Variants in KLHL30 observed in about 807,000 individuals in gnomAD.
KLHL30 encodes kelch like family member 30.
A neutral mutation model predicts 55.0 loss-of-function variants in KLHL30; 55 were observed. That is an observed-to-expected ratio of 1.00 (90% CI 0.80 to 1.25). The LOEUF is 1.25. Among genes scored for constraint, KLHL30 ranks in the 50% most tolerant of loss-of-function variants. The probability of loss-of-function intolerance (pLI) is 0.00; values close to 1 mark genes in which losing one functional copy is unlikely to be tolerated. For missense variants in KLHL30, 786 were observed against 811.6 expected (o/e 0.97, Z 0.38); for synonymous variants, 356 against 372.6 (o/e 0.96, Z 0.51).
At chr2:238,145,483 C>T (rs1422088039) in intron 4 of KLHL30, among the ~76,000 whole-genome samples, 194 bp from the exon 5 acceptor site, 1 of 152,186 alleles carries the variant, frequency 6.6e-6, no homozygotes, top group Non-Finnish European at 1.5e-5. Flanking sequence ...CCGATTTTGT[C>T]GTCCTTGTTT....
chr2:238,151,449 TG>T lies in KLHL30; in HGVS notation c.*388del. The T allele has an allele frequency of 3.5e-6, 1 of 283,242 alleles. No individual in the cohort carries two copies. The highest frequency in any genetic ancestry group is 6.8e-6 in the Non-Finnish European group (1 of 147,920). 17.5% of individuals were successfully genotyped at this position (283,242 alleles called of 1,614,324 possible). A position where few individuals can be genotyped will look rare whatever the true frequency, so the allele number is the denominator to read the frequency against. ...GGCTTTTGGAGCAGTTGCATGAATG[TG>T]GGGTGAACACGGAGCGTCCCAGAAA... is the stretch of plus-strand genomic sequence containing the variant. On this transcript the variant is annotated 3_prime_UTR_variant, in exon 8 of 8. Coordinates refer to ENST00000409223, the MANE Select transcript of KLHL30 (RefSeq NM_198582.4).
In KLHL30 at chr2:238,145,763, G is replaced by T; in HGVS notation, c.1081G>T (p.Ala361Ser). 1 of 1,605,744 alleles carries T rather than the reference G, an allele frequency of 6.2e-7. No individual in the cohort carries two copies. The highest frequency in any genetic ancestry group is 1.7e-5 in the Admixed American group (1 of 59,152). ...PLKEASWKPV[A>S]PMLKPRTNHA... ...GAAGGAGGCCTCCTGGAAGCCCGTGGCGCCCATGCTGAAGCCCCGCACCAA... is the reference window on the plus strand; with the variant it reads ...GAAGGAGGCCTCCTGGAAGCCCGTGTCGCCCATGCTGAAGCCCCGCACCAA... Residue 361 changes from alanine (A) to serine (S), a missense_variant, in exon 5 of 8, where the codon GCG (alanine) becomes TCG (serine). Transcript: ENST00000409223.
Position 238,144,016 on chromosome 2 carries a change from G to C in KLHL30, c.908-886G>C, listed in dbSNP as rs543914084. ...AACATCCAAAATATGTCCATTTATAGGACTTTACCATTTCCACATTTATTG... is the reference window on the plus strand; with the variant it reads ...AACATCCAAAATATGTCCATTTATACGACTTTACCATTTCCACATTTATTG... On this transcript the variant is annotated intron_variant, in intron 3 of 7. Transcript: ENST00000409223. Among the ~76,000 whole-genome samples the C allele has an allele frequency of 4.4e-4, 67 of 152,362 alleles. 1 individual carries two copies. The South Asian group carries it at 0.014, about 31-fold the overall frequency.
chr2:238,148,880 C>A (rs1692696419), intron 6 of KLHL30, 127 bp from the exon 7 acceptor site: 1 of 920,610 alleles, frequency 1.1e-6, no homozygotes, highest in Non-Finnish European at 1.7e-6. Flanking sequence ...GACCTACTCC[C>A]ATTTCACAGA....
intron 3 of KLHL30, among the ~76,000 whole-genome samples, chr2:238,144,677 C>CT (rs777318632): frequency 4.6e-5 from 7 of 152,298 alleles, no homozygotes; most frequent in Non-Finnish European, 1.0e-4. Flanking sequence ...TGTGTCCACT[C>CT]TGAGTTCCAG....
At position 238,147,724 on chromosome 2, in the gene KLHL30, A is replaced by T. The variant is rs147122752; in HGVS notation, c.1151-110A>T. On this transcript the variant is annotated intron_variant, in intron 5 of 7. Coordinates refer to ENST00000409223, the MANE Select transcript of KLHL30 (RefSeq NM_198582.4). The surrounding 1 kb of genome is among the most constrained non-coding windows in gnomAD (Gnocchi z 5.8). The stretch of plus-strand genomic sequence containing the variant: ...CAGCTTCCCTGTCTGTGAAATGGGG[A>T]GCCCACCCCACCTCCCACCACTTTG... The T allele has an allele frequency of 1.2e-3, 723 of 598,482 alleles. 4 individuals are homozygous for T. The highest frequency in any genetic ancestry group is 7.6e-3 in the South Asian group (182 of 24,070). The allele number at this position is 598,482 out of a possible 1,614,324, so 37.1% of individuals were successfully genotyped here.
chr2:238,142,712 A>T, intron 2 of KLHL30, 87 bp from the exon 3 acceptor site: 1 of 1,257,554 alleles, frequency 8.0e-7, no homozygotes, highest in Non-Finnish European at 1.0e-6. Context: ...ACATGCACTC[A>T]CATGCTGAGG....
At chr2:238,148,075 C>CGACA in intron 6 of KLHL30, 53 bp downstream of exon 6, 1 of 1,321,164 alleles carries the variant, frequency 7.6e-7, no homozygotes, top group Non-Finnish European at 9.8e-7. Context: ...CTCTGACAGG[C>CGACA]GACAGTCCGC....
intron 6 of KLHL30, among the ~76,000 whole-genome samples, chr2:238,148,230 C>T (rs557792728): frequency 3.3e-5 from 5 of 152,166 alleles, no homozygotes; most frequent in South Asian, 4.2e-4. Flanking sequence ...GCGTCAGCTC[C>T]GCAGAGTCCC....
chr2:238,148,846 G>A (rs1468145665), intron 6 of KLHL30, among the ~76,000 whole-genome samples, 161 bp from the exon 7 acceptor site: 2 of 152,162 alleles, frequency 1.3e-5, no homozygotes, highest in African/African-American at 4.8e-5. Context: ...GGCAGGTGTG[G>A]GTCCCTCCCA....
At chr2:238,142,031 G>A (rs535533686) in intron 2 of KLHL30, among the ~76,000 whole-genome samples, 16 of 152,332 alleles carry the variant, frequency 1.1e-4, no homozygotes, top group South Asian at 6.2e-4. Context: ...CTGGCAGTCC[G>A]CCTGAGCTTT....
At chr2:238,145,424 T>C (rs375912860) in intron 4 of KLHL30, among the ~76,000 whole-genome samples, 3 of 152,164 alleles carry the variant, frequency 2.0e-5, no homozygotes, top group African/African-American at 7.2e-5. Flanking sequence ...TGGGGTTCCT[T>C]GTAAGATTTG....
chr2:238,143,639 G>A (rs1692581548), intron 3 of KLHL30, among the ~76,000 whole-genome samples: 2 of 152,250 alleles, frequency 1.3e-5, no homozygotes, highest in Admixed American at 1.3e-4. Flanking sequence ...GGGCCACCAG[G>A]CAGGTCGCCA....
intron 3 of KLHL30, among the ~76,000 whole-genome samples, chr2:238,144,386 G>GGAAT (rs1559275781): frequency 1.2e-4 from 8 of 64,098 alleles, no homozygotes; most frequent in African/African-American, 4.3e-4. Context: ...AAGGAAGGAA[G>GGAAT]GAAGGAAGGA....
Position 238,151,053 on chromosome 2 carries a change from C to T in KLHL30, c.1725C>T (p.Thr575=), listed in dbSNP as rs770930425. The part of the protein sequence containing the change: ...VSKWTQPSGP[T]QEH ...AGTGGACCCAGCCCTCCGGCCCCAC[C>T]CAGGAGCACTAAACCAGGGCCAGGG... Residue 575 remains threonine, a synonymous_variant, in exon 8 of 8, where the codon ACC becomes ACT. Coordinates refer to ENST00000409223, the MANE Select transcript of KLHL30 (RefSeq NM_198582.4). The T allele has an allele frequency of 5.0e-6, 8 of 1,592,048 alleles. No homozygotes were observed. Among genetic ancestry groups the T allele is most frequent in the Non-Finnish European group, 6.8e-6 (8 of 1,170,212 alleles).
intron 5 of KLHL30, among the ~76,000 whole-genome samples, chr2:238,146,784 G>T (rs1692655438): frequency 6.6e-6 from 1 of 151,776 alleles, no homozygotes; most frequent in African/African-American, 2.4e-5. Context: ...CACTTTGGGA[G>T]GCTGAGGCAG....
Position 238,143,008 on chromosome 2 carries a change from T to TG in KLHL30, c.907+79dup, listed in dbSNP as rs1001723710. ...GGAGCCGCTGTGTCCTCCTTGCAGG[T>TG]GGAGCGCATGAGGCTCGCAGAGGAC... is the stretch of plus-strand genomic sequence containing the variant. On this transcript the variant is annotated intron_variant, in intron 3 of 7. Transcript: ENST00000409223. 7.3e-5 allele frequency: 104 copies of TG among 1,420,584 alleles called. No individual in the cohort carries two copies. The Admixed American group carries it at 9.8e-4, about 13-fold the overall frequency. 88.0% of individuals were successfully genotyped at this position (1,420,584 alleles called of 1,614,324 possible).
At chr2:238,143,158 G>T (rs1692573844) in intron 3 of KLHL30, among the ~76,000 whole-genome samples, 1 of 152,202 alleles carries the variant, frequency 6.6e-6, no homozygotes, top group Non-Finnish European at 1.5e-5. Context: ...TCTCCCTGCA[G>T]CCGGAGCCCA....
chr2:238,145,272 TCAG>T (rs1692626858), intron 4 of KLHL30, among the ~76,000 whole-genome samples: 1 of 152,198 alleles, frequency 6.6e-6, no homozygotes, highest in Non-Finnish European at 1.5e-5. Flanking sequence ...CTGCAGGCCT[TCAG>T]CATGGGGTGC....
Sources: allele counts gnomAD v4.1 joint callset (sites outside exome capture counted in the v4.1 genomes callset), GRCh38; gene constraint gnomAD v4.1.1; non-coding constraint Gnocchi (gnomAD v3.1); transcripts MANE v1.5; gene names NCBI Gene and HGNC (gene_info 2026-07-23, HGNC 2026-07-21).